Variants in PRSS23 observed in about 807,000 individuals in gnomAD.
PRSS23 encodes serine protease 23, also known as protease, serine 23.
In PRSS23, 25 loss-of-function variants were observed where a neutral mutation model predicts 34.7. That is an observed-to-expected ratio of 0.72 (90% CI 0.53 to 1.01). The LOEUF (loss-of-function observed/expected upper bound fraction) is 1.01, where lower values mean the gene tolerates loss of function less well. Ranked by LOEUF, PRSS23 falls within the 50% of genes least tolerant of loss-of-function variation. PRSS23 has a pLI of 0.00. For missense variants in PRSS23, 445 were observed against 475.6 expected, an observed-to-expected ratio of 0.94 and a Z score of 0.60; for synonymous variants, 176 against 186.6, an observed-to-expected ratio of 0.94 and a Z score of 0.46.
intron 2 of PRSS23, among the ~76,000 whole-genome samples, chr11:86,905,178 A>G (rs1948934365): frequency 6.6e-6 from 1 of 152,210 alleles, no homozygotes. Context: ...TTTCTCTTTC[A>G]CTAGACTGTG....
At chr11:86,799,864 T>C (rs931223172), upstream of PRSS23, among the ~76,000 whole-genome samples, 1 of 152,154 alleles carries the variant, frequency 6.6e-6, no homozygotes, top group Non-Finnish European at 1.5e-5. Flanking sequence ...CCCGGTGCTT[T>C]GGGCCCCACG....
At chr11:86,823,242 A>G in intron 1 of PRSS23, 1 of 615,992 alleles carries the variant, frequency 1.6e-6, no homozygotes, top group Non-Finnish European at 2.9e-6. Context: ...CTGTAAAAGC[A>G]TCATAAAAAA....
At chr11:86,952,596 C>CG in exon 3 of PRSS23, 1 of 990,248 alleles carries the variant, frequency 1.0e-6, no homozygotes, top group Non-Finnish European at 1.6e-6. Context: ...ACCAACCTAT[C>CG]GGGAGTCTGT....
At chr11:86,864,981 T>C (rs184089552) in intron 2 of PRSS23, among the ~76,000 whole-genome samples, 130 of 152,338 alleles carry the variant, frequency 8.5e-4, no homozygotes, top group Non-Finnish European at 1.2e-4. Flanking sequence ...CAGGATCATT[T>C]TGCCATCTGA....
chr11:86,909,330 C>G (rs1352657343), intron 2 of PRSS23: 1 of 152,226 alleles, frequency 6.6e-6, no homozygotes, highest in Non-Finnish European at 1.5e-5. Context: ...CTGTCTCTCC[C>G]ATGGGTTCCT....
At chr11:86,844,916 C>G (rs555200374) in intron 2 of PRSS23, among the ~76,000 whole-genome samples, 1 of 152,062 alleles carries the variant, frequency 6.6e-6, no homozygotes. Context: ...ATGGAGAAAC[C>G]CCATCTCTAT....
rs1435930843 is a variant in PRSS23, at chr11:86,792,198, G to A, written c.-14+1003G>A. On this transcript the variant is annotated intron_variant, in intron 1 of 1. Coordinates refer to the PRSS23 transcript ENST00000527521. Reference sequence around the variant, plus strand: ...TTGTGAGCTGACTTTGGTAGGCCTCGGGAGATCAGAGTAGGAAGAGAAGAG... The same window carrying A: ...TTGTGAGCTGACTTTGGTAGGCCTCAGGAGATCAGAGTAGGAAGAGAAGAG... Among the ~76,000 whole-genome samples, 7 of 149,038 alleles carry A rather than the reference G, an allele frequency of 4.7e-5. No individual in the cohort carries two copies. In the East Asian group the frequency reaches 7.7e-4, roughly 16 times the overall value.
intron 2 of PRSS23, among the ~76,000 whole-genome samples, chr11:86,838,457 A>C (rs1255272816): frequency 6.6e-6 from 1 of 152,176 alleles, no homozygotes; most frequent in Admixed American, 6.5e-5. Flanking sequence ...CAGTGTAAAC[A>C]AAGCTGCCAG....
intron 2 of PRSS23, among the ~76,000 whole-genome samples, chr11:86,830,540 C>T (rs914140313): frequency 1.3e-5 from 2 of 152,198 alleles, no homozygotes; most frequent in Non-Finnish European, 2.9e-5. Context: ...TGAGGTGAAC[C>T]TGGTACCTCA....
At chr11:86,823,778 G>C (rs1465310333) in intron 2 of PRSS23, among the ~76,000 whole-genome samples, 4 of 151,974 alleles carry the variant, frequency 2.6e-5, no homozygotes, top group Admixed American at 2.6e-4. Context: ...AGGCCGAGGC[G>C]GGCGGATCAC....
intron 2 of PRSS23, among the ~76,000 whole-genome samples, chr11:86,899,355 C>T (rs191473230): frequency 2.0e-5 from 3 of 152,112 alleles, no homozygotes; most frequent in Admixed American, 6.5e-5. Context: ...CCCATCTCTA[C>T]AAAACATACA....
chr11:86,926,367 AAAAT>A (rs537634078), intron 2 of PRSS23, among the ~76,000 whole-genome samples: 58 of 152,350 alleles, frequency 3.8e-4, no homozygotes, highest in Admixed American at 2.0e-4. Context: ...GCATCTCACA[AAAAT>A]AAATAAATAA....
chr11:86,824,340 T>TAAAATAAAATAAAATAAAAA (rs1948280582), intron 2 of PRSS23, among the ~76,000 whole-genome samples: 1 of 141,062 alleles, frequency 7.1e-6, no homozygotes, highest in Non-Finnish European at 1.6e-5. Context: ...AAAAATAAAA[T>TAAAATAAAATAAAATAAAAA]AAAATAAAAT....
At chr11:86,829,312 A>G (rs923568677) in intron 2 of PRSS23, among the ~76,000 whole-genome samples, 1 of 152,000 alleles carries the variant, frequency 6.6e-6, no homozygotes, top group Non-Finnish European at 1.5e-5. Flanking sequence ...TGCATTCTTC[A>G]TGTAGTTCTC....
At chr11:86,819,701 G>A (rs911156393) in intron 1 of PRSS23, among the ~76,000 whole-genome samples, 1 of 152,092 alleles carries the variant, frequency 6.6e-6, no homozygotes, top group African/African-American at 2.4e-5. Context: ...CACTTTTGCT[G>A]TACATTCTTG....
chr11:86,802,052 T>C lies in PRSS23; in HGVS notation c.-14+1401T>C, dbSNP rs138053642. ...TGGTTGTAGCATAAGTGTCCATTAA[T>C]GCATCTGAGAACATTTTTGTCCCCA... is the stretch of plus-strand genomic sequence containing the variant. On this transcript the variant is annotated intron_variant, in intron 1 of 1. Transcript: ENST00000280258. Among the ~76,000 whole-genome samples, 653 of 152,332 alleles carry C rather than the reference T, an allele frequency of 4.3e-3. 2 individuals are homozygous for C. The highest frequency in any genetic ancestry group is 7.6e-3 in the Admixed American group (117 of 15,304).
At chr11:86,940,235 C>T (rs1199630929) in intron 2 of PRSS23, among the ~76,000 whole-genome samples, 1 of 152,176 alleles carries the variant, frequency 6.6e-6, no homozygotes, top group African/African-American at 2.4e-5. Context: ...TCCAGGGCTA[C>T]TTGGTCAGTG....
chr11:86,821,309 T>C, intron 1 of PRSS23: 2 of 620,002 alleles, frequency 3.2e-6, no homozygotes, highest in Non-Finnish European at 5.4e-6. Flanking sequence ...CTACCAATGA[T>C]GAAAATAAAC....
chr11:86,824,017 AAAAAAAAAAAAAAAG>A (rs1244836190), intron 2 of PRSS23, among the ~76,000 whole-genome samples: 1 of 148,764 alleles, frequency 6.7e-6, no homozygotes, highest in African/African-American at 2.4e-5. Flanking sequence ...AAAAAAAAAA[AAAAAAAAAAAAAAAG>A]AATTCAGAGC....
Sources: allele counts gnomAD v4.1 joint callset (sites outside exome capture counted in the v4.1 genomes callset), GRCh38; gene constraint gnomAD v4.1.1; transcripts MANE v1.5; gene names NCBI Gene and HGNC (gene_info 2026-07-23, HGNC 2026-07-21).